The following SORBS2 variants were observed in gnomAD, a reference collection of about 807,000 sequenced individuals.
SORBS2 encodes the protein sorbin and SH3 domain containing 2.
A neutral mutation model predicts 97.7 loss-of-function variants in SORBS2; 46 were observed. The observed-to-expected ratio is 0.47, with a 90% CI of 0.37 to 0.60. The LOEUF (loss-of-function observed/expected upper bound fraction) is 0.60. SORBS2 is among the 20% of genes least tolerant of loss of function. The pLI is 0.00. For synonymous variants in SORBS2, 476 were observed against 473.4 expected, an observed-to-expected ratio of 1.01 and a Z score of -0.07; for missense variants, 1,316 against 1,282.3, an observed-to-expected ratio of 1.03 and a Z score of -0.40.
intron 1 of SORBS2, among the ~76,000 whole-genome samples, chr4:185,895,322 A>C (rs1561277125): frequency 6.6e-6 from 1 of 152,198 alleles, no homozygotes; most frequent in Admixed American, 6.5e-5. Flanking sequence ...CCTACCATCC[A>C]AACTTCTACT....
At chr4:185,662,046 G>A in intron 5 of SORBS2, 58 bp downstream of exon 8, 1 of 1,592,934 alleles carries the variant, frequency 6.3e-7, no homozygotes. Context: ...TCTTTCTCCT[G>A]TGGTTGTACT....
intron 1 of SORBS2, among the ~76,000 whole-genome samples, chr4:185,909,617 C>T (rs1165743853): frequency 6.6e-6 from 1 of 152,100 alleles, no homozygotes; most frequent in African/African-American, 2.4e-5. Context: ...ATTGCTTTAT[C>T]ATCGCATAAA....
At chr4:185,855,767 T>C (rs72707637) in intron 1 of SORBS2, among the ~76,000 whole-genome samples, 35,102 of 152,074 alleles carry the variant, frequency 0.23, 4,518 homozygotes, top group Middle Eastern at 0.34. Flanking sequence ...AAAGTCTTCC[T>C]TCACCACCAC....
chr4:185,925,040 G>A (rs1346486237), intron 1 of SORBS2, among the ~76,000 whole-genome samples: 1 of 152,082 alleles, frequency 6.6e-6, no homozygotes, highest in Admixed American at 6.5e-5. Context: ...CCATATTCAA[G>A]CCAAAAAGTT....
exon 15 of SORBS2, chr4:185,587,453 C>T (rs1280823947): frequency 4.8e-6 from 3 of 620,858 alleles, no homozygotes; most frequent in African/African-American, 1.8e-5. Flanking sequence ...GCCATGTCGT[C>T]CCCAGGCTCA....
intron 1 of SORBS2, among the ~76,000 whole-genome samples, chr4:185,897,698 C>T (rs2149820172): frequency 6.6e-6 from 1 of 152,270 alleles, no homozygotes; most frequent in South Asian, 2.1e-4. Context: ...AGTCACGGAA[C>T]ACAGATGGCT....
intron 12 of SORBS2, among the ~76,000 whole-genome samples, chr4:185,594,838 A>G (rs1331296151): frequency 6.6e-6 from 1 of 152,220 alleles, no homozygotes; most frequent in Non-Finnish European, 1.5e-5. Flanking sequence ...AATCCATTTC[A>G]AAAGCATTTG....
intron 1 of SORBS2, among the ~76,000 whole-genome samples, chr4:185,900,712 C>T (rs1318264227): frequency 2.6e-5 from 4 of 151,944 alleles, no homozygotes; most frequent in Admixed American, 2.0e-4. Context: ...GAAGAAACTG[C>T]CTACAATTTA....
At chr4:185,734,828 G>A (rs1048935712) in intron 2 of SORBS2, among the ~76,000 whole-genome samples, 1 of 152,094 alleles carries the variant, frequency 6.6e-6, no homozygotes, top group African/African-American at 2.4e-5. Flanking sequence ...AACCACTCAG[G>A]GTGCAAGGAA....
chr4:185,942,433 C>A (rs1411576847), intron 1 of SORBS2, among the ~76,000 whole-genome samples: 1 of 151,842 alleles, frequency 6.6e-6, no homozygotes, highest in East Asian at 2.0e-4. Context: ...TCACTGCAAC[C>A]TCTGCCTCCC....
At chr4:185,875,409 C>CA (rs1191956070) in intron 1 of SORBS2, among the ~76,000 whole-genome samples, 2 of 152,044 alleles carry the variant, frequency 1.3e-5, no homozygotes, top group Non-Finnish European at 2.9e-5. Flanking sequence ...TTAAAAACAA[C>CA]AAAAAATAAA....
chr4:185,656,674 C>G, exon 1 of SORBS2: 1 of 1,550,702 alleles, frequency 6.4e-7, no homozygotes, highest in South Asian at 1.2e-5. Context: ...CTGGCACAAG[C>G]CTTCTCTTCC....
At chr4:185,878,598 T>C (rs1269209483) in intron 1 of SORBS2, among the ~76,000 whole-genome samples, 1 of 152,126 alleles carries the variant, frequency 6.6e-6, no homozygotes. Flanking sequence ...TCACCTCCAA[T>C]GCCAAGCCTC....
chr4:185,912,268 T>A (rs2099255549), intron 1 of SORBS2, among the ~76,000 whole-genome samples: 1 of 152,108 alleles, frequency 6.6e-6, no homozygotes, highest in African/African-American at 2.4e-5. Flanking sequence ...CACTCATTAT[T>A]TTCAAATGTT....
At chr4:185,624,254 A>G (rs1581213212) in exon 7 of SORBS2, 2 of 1,614,178 alleles carry the variant, frequency 1.2e-6, no homozygotes, top group Non-Finnish European at 1.7e-6. Flanking sequence ...GTCGTCGTTT[A>G]GGAGATCGTC....
intron 1 of SORBS2, among the ~76,000 whole-genome samples, chr4:185,802,430 C>G (rs1271563849): frequency 1.3e-5 from 2 of 152,156 alleles, no homozygotes; most frequent in African/African-American, 4.8e-5. Flanking sequence ...GTTACAACTT[C>G]GACATCCACA....
At chr4:185,596,444 A>T (rs996291799) in intron 12 of SORBS2, among the ~76,000 whole-genome samples, 2 of 147,936 alleles carry the variant, frequency 1.4e-5, no homozygotes, top group African/African-American at 4.9e-5. Flanking sequence ...AAATTTGGTG[A>T]TTGCTGCAAA....
intron 2 of SORBS2, among the ~76,000 whole-genome samples, chr4:185,731,832 TTC>T (rs1201714307): frequency 0.013 from 435 of 33,148 alleles, 4 homozygotes; most frequent in Middle Eastern, 0.018. Flanking sequence ...GTCTCTCTCT[TTC>T]TCTCTCTCTC....
rs77562066 is a variant in SORBS2, at chr4:185,619,112, G to A, written c.2305-481C>T. On this transcript the variant is annotated intron_variant, in intron 8 of 14. Coordinates refer to ENST00000418609, the Ensembl canonical transcript of SORBS2. ...AAAATATTAGCTCAATTATCACTGG[G>A]AGGCTGGTTAGTGGGCAAAAGTATA... 1.2e-3 allele frequency among the ~76,000 whole-genome samples: 189 copies of A among 152,244 alleles called. 2 individuals carry two copies. In the East Asian group the frequency reaches 0.024, roughly 19 times the overall value.
Sources: gnomAD v4.1 joint callset for allele counts (sites outside exome capture counted in the v4.1 genomes callset) on GRCh38, gnomAD v4.1.1 for gene constraint, MANE v1.5 for transcripts, NCBI Gene and HGNC (gene_info 2026-07-23, HGNC 2026-07-21) for gene names.